Variants in PTCD3 observed in about 807,000 individuals in gnomAD.
The protein encoded by PTCD3 is small ribosomal subunit protein mS39.
A neutral mutation model predicts 101.9 loss-of-function variants in PTCD3; 89 were observed. The ratio of observed to expected loss-of-function variants is 0.87; its 90% CI spans 0.74 to 1.04. The LOEUF is 1.04. PTCD3 is among the 50% of genes least tolerant of loss of function. The probability of loss-of-function intolerance (pLI) is 0.00; values close to 1 mark genes in which losing one functional copy is unlikely to be tolerated. For synonymous variants in PTCD3, 296 were observed against 278.5 expected (o/e 1.06, Z -0.63); for missense variants, 870 against 828.2 (o/e 1.05, Z -0.62).
intron 20 of PTCD3, 41 bp downstream of exon 20, chr2:86,134,418 G>A (rs768470248): frequency 1.3e-6 from 2 of 1,512,586 alleles, no homozygotes; most frequent in Non-Finnish European, 1.8e-6. Context: ...CTCCCATACT[G>A]AGGTCTTCTT....
At position 86,115,693 on chromosome 2, in the gene PTCD3, A is replaced by G. The variant is rs1674164393; in HGVS notation, c.241-837A>G. Reference sequence around the variant, plus strand: ...AAAGGCCCAAGTAAGGCACTCAGACACAGAAGAGAATAAAGAAAGCAATTC... The same window carrying G: ...AAAGGCCCAAGTAAGGCACTCAGACGCAGAAGAGAATAAAGAAAGCAATTC... On this transcript the variant is annotated intron_variant, in intron 4 of 23. Coordinates refer to ENST00000254630, the MANE Select transcript of PTCD3 (RefSeq NM_017952.6). Among the ~76,000 whole-genome samples the G allele has an allele frequency of 2.6e-5, 4 of 152,172 alleles. No homozygotes were observed. The South Asian group carries it at 8.3e-4, about 32-fold the overall frequency.
At chr2:86,124,557 G>A (rs1462998590) in intron 9 of PTCD3, among the ~76,000 whole-genome samples, 1 of 152,144 alleles carries the variant, frequency 6.6e-6, no homozygotes, top group Non-Finnish European at 1.5e-5. Flanking sequence ...CCCAGGAGGT[G>A]GAGGTTATGG....
At position 86,114,974 on chromosome 2, in the gene PTCD3, T is replaced by C. The variant is rs1262073405; in HGVS notation, c.241-1556T>C. The stretch of plus-strand genomic sequence containing the variant: ...CTACCAAAGCTCATTAGAGACCCAG[T>C]GCCCAGAGTTTTTAGGGGAGGCTGG... On this transcript the variant is annotated intron_variant, in intron 4 of 23. Coordinates refer to ENST00000254630, the MANE Select transcript of PTCD3 (RefSeq NM_017952.6). Among the ~76,000 whole-genome samples the C allele has an allele frequency of 2.6e-5, 4 of 152,334 alleles. No homozygotes were observed. In the East Asian group the frequency reaches 7.7e-4, roughly 29 times the overall value.
chr2:86,124,358 C>G (rs1361591005), intron 9 of PTCD3, among the ~76,000 whole-genome samples: 1 of 152,204 alleles, frequency 6.6e-6, no homozygotes, highest in African/African-American at 2.4e-5. Context: ...GACGCAGTGC[C>G]TCACACCTGT....
intron 8 of PTCD3, among the ~76,000 whole-genome samples, chr2:86,121,956 G>A (rs1674291458): frequency 6.6e-6 from 1 of 152,194 alleles, no homozygotes; most frequent in Admixed American, 6.5e-5. Flanking sequence ...ACTTAGAGGA[G>A]AGAACACACT....
intron 7 of PTCD3, 55 bp from the exon 8 acceptor site, chr2:86,121,424 G>T: frequency 1.8e-6 from 2 of 1,118,400 alleles, no homozygotes; most frequent in Non-Finnish European, 1.3e-6. Context: ...AACCTAACAG[G>T]CTTTAGTTCT....
chr2:86,118,015 T>C (rs558223809), intron 6 of PTCD3, among the ~76,000 whole-genome samples: 48 of 152,312 alleles, frequency 3.2e-4, no homozygotes, highest in African/African-American at 1.2e-3. Flanking sequence ...GACCTCGTGA[T>C]CCACCCGACT....
chr2:86,118,242 C>T (rs527883970), intron 6 of PTCD3, among the ~76,000 whole-genome samples: 1 of 152,240 alleles, frequency 6.6e-6, no homozygotes, highest in East Asian at 1.9e-4. Context: ...TTTCCAGCTC[C>T]CTCTTTGTTC....
At chr2:86,122,909 G>A (rs1674317194) in intron 8 of PTCD3, among the ~76,000 whole-genome samples, 1 of 152,112 alleles carries the variant, frequency 6.6e-6, no homozygotes, top group South Asian at 2.1e-4. Flanking sequence ...AGCCTGTATT[G>A]CTCTACGTCA....
intron 14 of PTCD3, among the ~76,000 whole-genome samples, chr2:86,130,354 G>A (rs1166427586): frequency 6.6e-6 from 1 of 152,150 alleles, no homozygotes; most frequent in Non-Finnish European, 1.5e-5. Flanking sequence ...GGGAGTGTGT[G>A]TTACTGTCTG....
At chr2:86,126,000 C>G (rs568066236) in intron 12 of PTCD3, 120 bp downstream of exon 12, 10 of 611,668 alleles carry the variant, frequency 1.6e-5, no homozygotes, top group Non-Finnish European at 2.6e-5. Context: ...GAGGCCGAGG[C>G]GGGCAGATCA....
chr2:86,137,196 C>G, intron 23 of PTCD3, 56 bp downstream of exon 23: 2 of 1,493,890 alleles, frequency 1.3e-6, no homozygotes, highest in Non-Finnish European at 1.8e-6. Context: ...ATCCATCTGC[C>G]CATTCAAAAT....
chr2:86,119,286 C>T lies in PTCD3; in HGVS notation c.538+242C>T, dbSNP rs1391634814. Reference sequence around the variant, plus strand: ...TGTAGCACTGGTAGAGAAATTGTATCACCCTTCTACCTTAGCTTCTGTTTT... The same window carrying T: ...TGTAGCACTGGTAGAGAAATTGTATTACCCTTCTACCTTAGCTTCTGTTTT... On this transcript the variant is annotated intron_variant, in intron 7 of 23. Coordinates refer to ENST00000254630, the MANE Select transcript of PTCD3 (RefSeq NM_017952.6). The T allele has an allele frequency of 1.8e-5, 9 of 494,054 alleles. No individual in the cohort carries two copies. The East Asian group carries it at 2.8e-4, about 15-fold the overall frequency. 30.6% of individuals were successfully genotyped at this position (494,054 alleles called of 1,614,324 possible). A position where few individuals can be genotyped will look rare whatever the true frequency, so the allele number is the denominator to read the frequency against.
At position 86,135,610 on chromosome 2, in the gene PTCD3, C is replaced by T. The variant is rs570966049; in HGVS notation, c.1778+623C>T. Among the ~76,000 whole-genome samples the T allele has an allele frequency of 1.4e-4, 22 of 152,230 alleles. No homozygotes were observed. The South Asian group carries it at 1.9e-3, about 13-fold the overall frequency. ...TGTAGGGGTAGTGACAGGTGGTTTT[C>T]CTGTATTTTGTTTTGTATATAAATG... On this transcript the variant is annotated intron_variant, in intron 21 of 23. Transcript: ENST00000254630.
At chr2:86,116,788 G>T (rs3764950) in intron 5 of PTCD3, among the ~76,000 whole-genome samples, 190 bp downstream of exon 5, 42,174 of 152,004 alleles carry the variant, frequency 0.28, 7,089 homozygotes, top group East Asian at 0.5. Context: ...TTTTGGTTTT[G>T]GTTTCTAATA....
chr2:86,132,716 T>C lies in PTCD3; in HGVS notation c.1373+292T>C, dbSNP rs145810662. The C allele has an allele frequency of 2.6e-3, 865 of 327,474 alleles. 8 individuals carry two copies. The highest frequency in any genetic ancestry group is 0.017 in the African/African-American group (784 of 46,346). 20.3% of individuals were successfully genotyped at this position (327,474 alleles called of 1,614,324 possible). A position where few individuals can be genotyped will look rare whatever the true frequency, so the allele number is the denominator to read the frequency against. ...ACATTTTCAAATTGTTATAGCAGGGTGAGCCCTGAAGATTTCCTTTCACCT... is the reference window on the plus strand; with the variant it reads ...ACATTTTCAAATTGTTATAGCAGGGCGAGCCCTGAAGATTTCCTTTCACCT... On this transcript the variant is annotated intron_variant, in intron 17 of 23. Transcript: ENST00000254630.
chr2:86,133,136 A>G (rs1413919113), intron 17 of PTCD3, 42 bp from the exon 18 acceptor site: 5 of 1,601,438 alleles, frequency 3.1e-6, no homozygotes, highest in Admixed American at 3.4e-5. Context: ...GTTGTTAGAC[A>G]TAGGGACTTT....
At position 86,111,155 on chromosome 2, in the gene PTCD3, C is replaced by T. The variant is rs1204959706; in HGVS notation, c.237C>T (p.Asn79=). Residue 79 remains asparagine, a synonymous_variant, in exon 4 of 24, where the codon AAC becomes AAT. Transcript: ENST00000254630. ...TTCAGGCACTTGCATCCACAGTAAA[C>T]AGGGTAAGTAGGATTTTGTGTTTTT... ...AVLQALASTV[N]RDTTAVPYVF... The T allele has an allele frequency of 1.9e-6, 3 of 1,612,794 alleles. No homozygotes were observed. Among genetic ancestry groups the T allele is most frequent in the East Asian group, 2.2e-5 (1 of 44,850 alleles).
intron 4 of PTCD3, chr2:86,111,720 C>G (rs558402105): frequency 6.3e-6 from 1 of 157,500 alleles, no homozygotes; most frequent in East Asian, 1.9e-4. Flanking sequence ...GTAGCAAGAC[C>G]CCCATCTGTT....
Sources: allele counts gnomAD v4.1 joint callset (sites outside exome capture counted in the v4.1 genomes callset), GRCh38; gene constraint gnomAD v4.1.1; transcripts MANE v1.5; gene names NCBI Gene and HGNC (gene_info 2026-07-23, HGNC 2026-07-21).